NUP153: variants seen among roughly 807,000 people sequenced by gnomAD.
NUP153 encodes nucleoporin 153.
In NUP153, 27 loss-of-function variants were observed where a neutral mutation model predicts 134.6. The ratio of observed to expected loss-of-function variants is 0.20; its 90% CI spans 0.15 to 0.28. NUP153 has a LOEUF of 0.28. NUP153 is among the 10% of genes least tolerant of loss of function. The probability of loss-of-function intolerance (pLI) is 1.00; values close to 1 mark genes in which losing one functional copy is unlikely to be tolerated. For synonymous variants in NUP153, 640 were observed against 623.5 expected (o/e 1.03, Z -0.40); for missense variants, 1,821 against 1,731.3 (o/e 1.05, Z -0.92).
At chr6:17,639,807 A>T in intron 15 of NUP153, 132 bp downstream of exon 15, 1 of 723,258 alleles carries the variant, frequency 1.4e-6, no homozygotes, top group Non-Finnish European at 2.2e-6. Flanking sequence ...ACACCTAACT[A>T]CATCTCTATT....
chr6:17,639,123 G>C (rs1376544029), intron 15 of NUP153, among the ~76,000 whole-genome samples: 2 of 151,194 alleles, frequency 1.3e-5, no homozygotes, highest in African/African-American at 4.9e-5. Flanking sequence ...TGTCGCCCAG[G>C]CTGGAGTGCA....
intron 7 of NUP153, 63 bp downstream of exon 7, chr6:17,669,230 C>T: frequency 2.2e-6 from 3 of 1,387,082 alleles, no homozygotes; most frequent in Non-Finnish European, 3.1e-6. Flanking sequence ...AGGTGTGCAC[C>T]ACCACACCCG....
intron 18 of NUP153, among the ~76,000 whole-genome samples, chr6:17,626,703 A>T (rs1764966604): frequency 6.6e-6 from 1 of 152,214 alleles, no homozygotes; most frequent in Non-Finnish European, 1.5e-5. Flanking sequence ...TAATTATTAT[A>T]ACTTTATACC....
At chr6:17,624,926 T>C in intron 19 of NUP153, 93 bp from the exon 20 acceptor site, 1 of 1,299,336 alleles carries the variant, frequency 7.7e-7, no homozygotes, top group Non-Finnish European at 1.0e-6. Context: ...AATGTCAAGC[T>C]TCGTTTCAGA....
At chr6:17,629,616 C>T in intron 17 of NUP153, 77 bp from the exon 18 acceptor site, 1 of 1,350,436 alleles carries the variant, frequency 7.4e-7, no homozygotes, top group Non-Finnish European at 9.9e-7. Context: ...ACTGTGAAAG[C>T]CAAAGAAACA....
At chr6:17,661,870 T>A in intron 10 of NUP153, 91 bp from the exon 11 acceptor site, 1 of 1,301,436 alleles carries the variant, frequency 7.7e-7, no homozygotes, top group Non-Finnish European at 1.1e-6. Flanking sequence ...AAAAAAAATA[T>A]ACAGCTGAAC....
chr6:17,706,536 C>T lies in NUP153; in HGVS notation c.-149G>A, dbSNP rs1770515088. 2 of 609,712 alleles carry T rather than the reference C, an allele frequency of 3.3e-6. No individual in the cohort carries two copies. Among genetic ancestry groups the T allele is most frequent in the Non-Finnish European group, 5.7e-6 (2 of 351,210 alleles). 37.8% of individuals were successfully genotyped at this position (609,712 alleles called of 1,614,324 possible). ...ACAGTGGGCACAAGCACCCCAGGAA[C>T]CGCGAGGTTGCGAGCAGGAGCGGAG... On this transcript the variant is annotated 5_prime_UTR_variant, in exon 1 of 22. Coordinates refer to ENST00000262077, the MANE Select transcript of NUP153 (RefSeq NM_005124.4). The surrounding 1 kb of genome is among the most constrained non-coding windows in gnomAD (Gnocchi z 5.9).
intron 9 of NUP153, among the ~76,000 whole-genome samples, chr6:17,663,379 G>A (rs1187051666): frequency 6.6e-6 from 1 of 151,654 alleles, no homozygotes; most frequent in Non-Finnish European, 1.5e-5. Flanking sequence ...TCCTCCTACC[G>A]CAACCTCCTG....
intron 2 of NUP153, among the ~76,000 whole-genome samples, chr6:17,679,677 G>C (rs773184726): frequency 1.2e-4 from 19 of 152,150 alleles, no homozygotes; most frequent in Non-Finnish European, 2.2e-4. Flanking sequence ...GGAGGTGGGA[G>C]GTAGTTTCTC....
intron 1 of NUP153, among the ~76,000 whole-genome samples, chr6:17,701,835 G>GGT (rs908929524): frequency 3.0e-5 from 3 of 99,908 alleles, no homozygotes; most frequent in Admixed American, 1.0e-4. Flanking sequence ...TCTGTCTCGG[G>GGT]GGGGGGGGGA....
At chr6:17,634,378 T>A (rs889029172) in intron 16 of NUP153, among the ~76,000 whole-genome samples, 1 of 152,076 alleles carries the variant, frequency 6.6e-6, no homozygotes, top group Non-Finnish European at 1.5e-5. Context: ...ATATCAAAAC[T>A]ATGGATTAAT....
chr6:17,690,277 G>A (rs987492917), intron 1 of NUP153, among the ~76,000 whole-genome samples: 3 of 152,212 alleles, frequency 2.0e-5, no homozygotes, highest in Non-Finnish European at 2.9e-5. Context: ...GCGTGAACCC[G>A]GGTGGCGTAG....
Position 17,706,404 on chromosome 6 carries a change from C to T in NUP153, c.-17G>A, listed in dbSNP as rs773509912. 38 of 1,597,260 alleles carry T rather than the reference C, an allele frequency of 2.4e-5. No homozygotes were observed. The highest frequency in any genetic ancestry group is 3.2e-5 in the Non-Finnish European group (37 of 1,168,596). On this transcript the variant is annotated 5_prime_UTR_variant, in exon 1 of 22. Coordinates refer to ENST00000262077, the MANE Select transcript of NUP153 (RefSeq NM_005124.4). The surrounding 1 kb of genome is among the most constrained non-coding windows in gnomAD (Gnocchi z 5.9). ...CGAGGCCATGGCGGAGCCTCCGCCG[C>T]TTCCCGCTCCGGGGCGGGTAAGGGG...
Position 17,650,900 on chromosome 6 carries a change from C to A in NUP153, c.1396-1600G>T, listed in dbSNP as rs531575502. ...GTAAATCTAACTACACAGCTGCAAT[C>A]TTGTTATTTTTACAGGATGTGGTAT... On this transcript the variant is annotated intron_variant, in intron 11 of 21. Coordinates refer to ENST00000262077, the MANE Select transcript of NUP153 (RefSeq NM_005124.4). 4.6e-5 allele frequency among the ~76,000 whole-genome samples: 7 copies of A among 152,226 alleles called. No individual in the cohort carries two copies. In the East Asian group the frequency reaches 9.6e-4, roughly 21 times the overall value.
intron 8 of NUP153, 120 bp downstream of exon 8, chr6:17,668,855 A>G (rs949691287): frequency 3.0e-6 from 2 of 673,468 alleles, no homozygotes; most frequent in Admixed American, 3.4e-5. Flanking sequence ...AAAAAAAAAG[A>G]ATATTATTTT....
In NUP153 at chr6:17,661,656, C is replaced by G. The variant is rs766328962; in HGVS notation, c.1392G>C (p.Glu464Asp). Reference sequence around the variant, plus strand: ...GTATATGAGTATACAACCCTACCTCCTCCTCCAGAGGTTTAGAAGCAACAA... The same window carrying G: ...GTATATGAGTATACAACCCTACCTCGTCCTCCAGAGGTTTAGAAGCAACAA... ...TRFVASKPLE[E>D]EEMEVPVLPK... Residue 464 changes from glutamate to aspartate, a missense_variant, in exon 11 of 22, where the codon GAG becomes GAC. Glu to Asp is a conservative substitution (Grantham distance 45, BLOSUM62 2). Coordinates refer to ENST00000262077, the MANE Select transcript of NUP153 (RefSeq NM_005124.4). 1.2e-6 allele frequency: 2 copies of G among 1,613,302 alleles called. No individual in the cohort carries two copies. The highest frequency in any genetic ancestry group is 2.7e-5 in the African/African-American group (2 of 74,896).
chr6:17,616,511 TA>T lies in NUP153; in HGVS notation c.4343+15del. The T allele has an allele frequency of 6.3e-7, 1 of 1,589,188 alleles. No homozygotes were observed. Among genetic ancestry groups the T allele is most frequent in the Non-Finnish European group, 8.6e-7 (1 of 1,168,746 alleles). ...TACCAATGTAACTTCTCCATTTCAA[TA>T]AAAAATTCTCTTACCCCACTGTAAA... On this transcript the variant is annotated intron_variant, in intron 21 of 21. Transcript: ENST00000262077.
At chr6:17,705,596 A>AGGGGGGGGGGAGGGAGGGGGGGGGGGG (rs1770430257) in intron 1 of NUP153, among the ~76,000 whole-genome samples, 1 of 96,858 alleles carries the variant, frequency 1.0e-5, no homozygotes, top group African/African-American at 4.3e-5. Flanking sequence ...GGGGGGGGGG[A>AGGGGGGGGGGAGGGAGGGGGGGGGGGG]GGGGAGTCGC....
At position 17,669,309 on chromosome 6, in the gene NUP153, G is replaced by T. The variant is rs1184678795; in HGVS notation, c.998C>A (p.Ser333Tyr). 3.1e-6 allele frequency: 5 copies of T among 1,610,132 alleles called. No individual in the cohort carries two copies. Among genetic ancestry groups the T allele is most frequent in the Non-Finnish European group, 4.2e-6 (5 of 1,176,900 alleles). Residue 333 changes from serine to tyrosine, a missense_variant, in exon 7 of 22, where the codon TCT becomes TAT. Transcript: ENST00000262077. ...ADAKRIPSIV[S>Y]SPLNSPLDRS... is the part of the protein sequence containing the mutation. ...TCAACTTACAGAATTCAGAGGAGAA[G>T]AAACAATGGATGGAATTCTTTTTGC...
Sources: gnomAD v4.1 joint callset for allele counts (sites outside exome capture counted in the v4.1 genomes callset) on GRCh38, gnomAD v4.1.1 for gene constraint, Gnocchi (gnomAD v3.1) non-coding constraint, MANE v1.5 for transcripts, NCBI Gene and HGNC (gene_info 2026-07-23, HGNC 2026-07-21) for gene names.